The following FABP1 variants were observed in gnomAD, a reference collection of about 807,000 sequenced individuals.
FABP1 encodes fatty acid binding protein 1, also known as fatty acid-binding protein, liver.
Under a neutral mutation model 13.7 loss-of-function variants are expected in FABP1, and 13 were observed. The observed-to-expected ratio is 0.95, with a 90% CI of 0.62 to 1.51. The LOEUF (loss-of-function observed/expected upper bound fraction) is 1.51, where lower values mean the gene tolerates loss of function less well. Among genes scored for constraint, FABP1 ranks in the 40% most tolerant of loss-of-function variants. The pLI, the probability that FABP1 is intolerant of heterozygous loss-of-function variation, is 0.00. For synonymous variants in FABP1, 48 were observed against 59.8 expected (o/e 0.80, Z 0.91); for missense variants, 140 against 155.7 (o/e 0.90, Z 0.54).
chr2:88,127,125 C>A (rs955666904), intron 1 of FABP1, among the ~76,000 whole-genome samples: 2 of 152,056 alleles, frequency 1.3e-5, no homozygotes, highest in African/African-American at 4.8e-5. Context: ...CATGCCACAC[C>A]CTTTGCTTAT....
intron 1 of FABP1, among the ~76,000 whole-genome samples, chr2:88,126,905 C>T (rs1055649639): frequency 1.3e-5 from 2 of 152,182 alleles, no homozygotes; most frequent in African/African-American, 4.8e-5. Flanking sequence ...AGTTTCAGAA[C>T]TTGTCTATGC....
At chr2:88,127,171 C>T (rs1378746133) in intron 1 of FABP1, among the ~76,000 whole-genome samples, 1 of 152,098 alleles carries the variant, frequency 6.6e-6, no homozygotes, top group Non-Finnish European at 1.5e-5. Context: ...TCCCTGCCCC[C>T]AGTTCCCTAG....
chr2:88,122,990 TAAAACAAA>T lies in FABP1; in HGVS notation c.*56_*63del. 1 of 1,375,730 alleles carries T rather than the reference TAAAACAAA, an allele frequency of 7.3e-7. No homozygotes were observed. 85.2% of individuals were successfully genotyped at this position (1,375,730 alleles called of 1,614,324 possible). ...AAGGCATTGAGAAGACATTTTTTTT[TAAAACAAA>T]GTTCACTTTATTACATTAATTTTAC... is the stretch of plus-strand genomic sequence containing the variant. On this transcript the variant is annotated 3_prime_UTR_variant, in exon 4 of 4. Coordinates refer to ENST00000295834, the MANE Select transcript of FABP1 (RefSeq NM_001443.3).
chr2:88,127,462 G>A (rs1278500436), intron 1 of FABP1, among the ~76,000 whole-genome samples: 1 of 152,184 alleles, frequency 6.6e-6, no homozygotes, highest in African/African-American at 2.4e-5. Flanking sequence ...GGAATAGATG[G>A]GGTATTGCAT....
chr2:88,126,002 T>G, intron 2 of FABP1, 174 bp downstream of exon 2: 1 of 627,380 alleles, frequency 1.6e-6, no homozygotes, highest in Non-Finnish European at 2.7e-6. Context: ...GGAGAGCAGC[T>G]TCTCTATAAG....
Position 88,124,568 on chromosome 2 carries a change from C to A in FABP1, c.259G>T (p.Gly87Cys). ...EKVKTVVQLE[G>C]DNKLVTTFKN... ...AAAGTTGTCACCAGTTTATTGTCAC[C>A]TTCCAACTGAACCACTGTCTGCAGG... Residue 87 changes from glycine (G) to cysteine (C), a missense_variant, in exon 3 of 4, where the codon GGT becomes TGT. Coordinates refer to ENST00000295834, the MANE Select transcript of FABP1 (RefSeq NM_001443.3). 1.2e-6 allele frequency: 2 copies of A among 1,611,328 alleles called. No homozygotes were observed. The highest frequency in any genetic ancestry group is 1.7e-6 in the Non-Finnish European group (2 of 1,178,754).
chr2:88,126,688 G>A (rs1675304510), intron 1 of FABP1: 1 of 214,080 alleles, frequency 4.7e-6, no homozygotes, highest in South Asian at 1.1e-4. Context: ...TGGAGTGTGA[G>A]CATTTCATTC....
At chr2:88,125,862 G>A (rs1675286662) in intron 2 of FABP1, 2 of 241,416 alleles carry the variant, frequency 8.3e-6, no homozygotes, top group Admixed American at 5.0e-5. Context: ...GACTCTTAGT[G>A]CTAGGAGCAC....
rs1675290053 is a variant in FABP1 at position 88,126,030 on chromosome 2, G to T, written c.240+146C>A. The T allele has an allele frequency of 2.5e-5, 20 of 816,000 alleles. No homozygotes were observed. In the South Asian group the frequency reaches 3.9e-4, roughly 16 times the overall value. 50.5% of individuals were successfully genotyped at this position (816,000 alleles called of 1,614,324 possible). ...TCTATAAGATTCTTCCCTAAGAGCT[G>T]CCTTTGTCTCTCTGCTTCTCCCACA... On this transcript the variant is annotated intron_variant, in intron 2 of 3. Coordinates refer to ENST00000295834, the MANE Select transcript of FABP1 (RefSeq NM_001443.3).
In FABP1 at chr2:88,126,348, C is replaced by T. The variant is rs766234713; in HGVS notation, c.68G>A (p.Gly23Asp). 5 of 1,612,450 alleles carry T rather than the reference C, an allele frequency of 3.1e-6. No individual in the cohort carries two copies. In the South Asian group the frequency reaches 3.3e-5, roughly 11 times the overall value. The change falls in exon 2 of 4, where the codon GGT (glycine) becomes GAT (aspartate). Residue 23 changes from glycine (G) to aspartate (D), a missense_variant and splice_region_variant. Physicochemically the swap from Gly to Asp is moderately conservative, Grantham distance 94. Transcript: ENST00000295834. Reference protein sequence around the residue: ...ENFEAFMKAIGLPEELIQKGK... With the variant: ...ENFEAFMKAIDLPEELIQKGK... ...CTTCTGGATGAGCTCTTCCGGCAGACCTGGTGGAAACCGTCTGAGGTTTAG... is the reference window on the plus strand; with the variant it reads ...CTTCTGGATGAGCTCTTCCGGCAGATCTGGTGGAAACCGTCTGAGGTTTAG...
intron 1 of FABP1, among the ~76,000 whole-genome samples, 170 bp downstream of exon 1, chr2:88,127,781 T>C (rs1490750677): frequency 6.6e-6 from 1 of 152,190 alleles, no homozygotes; most frequent in Non-Finnish European, 1.5e-5. Context: ...CCTTGTGCAG[T>C]GAGGACTTGC....
chr2:88,127,776 T>A (rs2104038949), intron 1 of FABP1, among the ~76,000 whole-genome samples, 175 bp downstream of exon 1: 1 of 152,328 alleles, frequency 6.6e-6, no homozygotes, highest in East Asian at 1.9e-4. Flanking sequence ...GGTGGCCTTG[T>A]GCAGTGAGGA....
intron 1 of FABP1, among the ~76,000 whole-genome samples, chr2:88,127,441 T>A (rs1452774858): frequency 6.6e-6 from 1 of 152,288 alleles, no homozygotes; most frequent in African/African-American, 2.4e-5. Context: ...CCCAGCTTAG[T>A]TTTTTGGCAA....
At chr2:88,123,281 T>C (rs1675237717) in intron 3 of FABP1, 177 bp from the exon 4 acceptor site, 1 of 576,864 alleles carries the variant, frequency 1.7e-6, no homozygotes, top group Non-Finnish European at 3.1e-6. Context: ...GGCAATGTTT[T>C]CCAAAATCCT....
chr2:88,124,496 TG>T lies in FABP1; in HGVS notation c.330del (p.Asn111IlefsTer3), dbSNP rs758688969. On this transcript the variant is annotated frameshift_variant, in exon 3 of 4. Transcript: ENST00000295834. LOFTEE classifies it high-confidence loss of function. ...CGCTCAGAGCACCACCAACTTACAT[TG>T]GTGATTATGTCGCCGTTGAGTTCGG... ...SVTELNGDII[T>X]NTMTLGDIVF... 1.2e-6 allele frequency: 2 copies of T among 1,606,630 alleles called. No individual in the cohort carries two copies. Among genetic ancestry groups the T allele is most frequent in the East Asian group, 4.5e-5 (2 of 44,376 alleles).
chr2:88,123,270 T>TGG, intron 3 of FABP1, 166 bp from the exon 4 acceptor site: 1 of 591,874 alleles, frequency 1.7e-6, no homozygotes, highest in Non-Finnish European at 3.0e-6. Flanking sequence ...GAGGAAAGGT[T>TGG]GGCAATGTTT....
Position 88,123,258 on chromosome 2 carries a change from C to T in FABP1, c.334-154G>A, listed in dbSNP as rs993270004. On this transcript the variant is annotated intron_variant, in intron 3 of 3. Transcript: ENST00000295834. ...AAATTCGTCTGGTTTCCTGTAGGAC[C>T]GGAGGAAAGGTTGGCAATGTTTTCC... 3.9e-5 allele frequency: 24 copies of T among 617,798 alleles called. No individual in the cohort carries two copies. The East Asian group carries it at 4.1e-4, about 10-fold the overall frequency. The allele number at this position is 617,798 out of a possible 1,614,324, so 38.3% of individuals were successfully genotyped here. A position where few individuals can be genotyped will look rare whatever the true frequency, so the allele number is the denominator to read the frequency against.
chr2:88,125,865 A>G lies in FABP1; in HGVS notation c.240+311T>C, dbSNP rs187495859. 3 of 241,496 alleles carry G rather than the reference A, an allele frequency of 1.2e-5. No individual in the cohort carries two copies. In the Admixed American group the frequency reaches 1.5e-4, roughly 12 times the overall value. 15.0% of individuals were successfully genotyped at this position (241,496 alleles called of 1,614,324 possible). A position where few individuals can be genotyped will look rare whatever the true frequency, so the allele number is the denominator to read the frequency against. Reference sequence around the variant, plus strand: ...CCCTGCTTAGAGGACTCTTAGTGCTAGGAGCACTGGGCCTGGGAGAACCTG... The same window carrying G: ...CCCTGCTTAGAGGACTCTTAGTGCTGGGAGCACTGGGCCTGGGAGAACCTG... On this transcript the variant is annotated intron_variant, in intron 2 of 3. Coordinates refer to ENST00000295834, the MANE Select transcript of FABP1 (RefSeq NM_001443.3).
At chr2:88,123,204 C>T in intron 3 of FABP1, 100 bp from the exon 4 acceptor site, 2 of 924,576 alleles carry the variant, frequency 2.2e-6, no homozygotes, top group Non-Finnish European at 3.3e-6. Flanking sequence ...AAAACAGCAC[C>T]AAATATGTTG....
Sources: allele counts gnomAD v4.1 joint callset (sites outside exome capture counted in the v4.1 genomes callset), GRCh38; gene constraint gnomAD v4.1.1; transcripts MANE v1.5; gene names NCBI Gene and HGNC (gene_info 2026-07-23, HGNC 2026-07-21).